AUTS2: variants seen among roughly 807,000 people sequenced by gnomAD.
The protein encoded by AUTS2 is activator of transcription and developmental regulator AUTS2.
A neutral mutation model predicts 112.4 loss-of-function variants in AUTS2; 17 were observed. That is an observed-to-expected ratio of 0.15 (90% CI 0.10 to 0.23). The LOEUF (loss-of-function observed/expected upper bound fraction) is 0.23, where lower values mean the gene tolerates loss of function less well. Ranked by LOEUF, AUTS2 falls within the 10% of genes least tolerant of loss-of-function variation. The pLI, the probability that AUTS2 is intolerant of heterozygous loss-of-function variation, is 1.00. For missense variants in AUTS2, 1,510 were observed against 1,701.6 expected (o/e 0.89, Z 1.98); for synonymous variants, 751 against 702.7 (o/e 1.07, Z -1.09).
intron 4 of AUTS2, among the ~76,000 whole-genome samples, chr7:70,148,388 T>C (rs1807248950): frequency 6.6e-6 from 1 of 152,106 alleles, no homozygotes; most frequent in African/African-American, 2.4e-5. Flanking sequence ...AGACCAACAA[T>C]ACTCAAAACA....
At chr7:70,174,649 A>G (rs1351135161) in intron 4 of AUTS2, among the ~76,000 whole-genome samples, 1 of 152,214 alleles carries the variant, frequency 6.6e-6, no homozygotes, top group Non-Finnish European at 1.5e-5. Context: ...TGCTTATTTT[A>G]TCATTCCAAA....
At chr7:70,340,523 T>A (rs945791949) in intron 4 of AUTS2, among the ~76,000 whole-genome samples, 4 of 152,046 alleles carry the variant, frequency 2.6e-5, no homozygotes, top group Admixed American at 1.3e-4. Context: ...TTATAAGTAA[T>A]TAAGAATACA....
chr7:70,579,042 C>T (rs1461266330), intron 5 of AUTS2, among the ~76,000 whole-genome samples: 1 of 150,608 alleles, frequency 6.6e-6, no homozygotes, highest in Non-Finnish European at 1.5e-5. Flanking sequence ...GATCCTCCCA[C>T]CTCAGCCTCT....
chr7:70,192,194 G>T (rs996827766), intron 4 of AUTS2, among the ~76,000 whole-genome samples: 2 of 152,110 alleles, frequency 1.3e-5, no homozygotes, highest in African/African-American at 4.8e-5. Flanking sequence ...CCCTATCACA[G>T]AATTTATAGT....
At chr7:69,614,112 G>A (rs1208141149) in intron 1 of AUTS2, among the ~76,000 whole-genome samples, 1 of 152,020 alleles carries the variant, frequency 6.6e-6, no homozygotes, top group East Asian at 1.9e-4. Context: ...ATTTCCCCTC[G>A]GCTAAGATGG....
At chr7:69,604,864 G>A (rs1406662954) in intron 1 of AUTS2, among the ~76,000 whole-genome samples, 3 of 152,208 alleles carry the variant, frequency 2.0e-5, no homozygotes, top group Admixed American at 6.5e-5. Flanking sequence ...GTTTAAACTA[G>A]TTTAGAGTAA....
chr7:69,881,555 A>C (rs1479937187), intron 1 of AUTS2, among the ~76,000 whole-genome samples: 1 of 152,152 alleles, frequency 6.6e-6, no homozygotes, highest in Non-Finnish European at 1.5e-5. Flanking sequence ...TCAGTGGTAA[A>C]TGCTTTTTCA....
chr7:70,728,797 G>A (rs942904202), intron 6 of AUTS2, among the ~76,000 whole-genome samples: 1 of 151,744 alleles, frequency 6.6e-6, no homozygotes, highest in African/African-American at 2.4e-5. Flanking sequence ...GATTCTACCA[G>A]TGAGAGAGAA....
chr7:70,013,549 G>T (rs1269839464), intron 2 of AUTS2, among the ~76,000 whole-genome samples: 1 of 152,152 alleles, frequency 6.6e-6, no homozygotes, highest in African/African-American at 2.4e-5. Flanking sequence ...CCCAGTTATG[G>T]TCCTTGGAAG....
intron 5 of AUTS2, among the ~76,000 whole-genome samples, chr7:70,671,317 GA>G (rs965486720): frequency 1.3e-5 from 2 of 152,230 alleles, no homozygotes; most frequent in Admixed American, 6.5e-5. Context: ...TTCATAAAAT[GA>G]CTTAGATTTG....
intron 2 of AUTS2, among the ~76,000 whole-genome samples, chr7:69,989,045 A>G (rs945332935): frequency 6.6e-6 from 1 of 152,230 alleles, no homozygotes; most frequent in African/African-American, 2.4e-5. Flanking sequence ...CTTTGCTGGT[A>G]TGTGGGTTAA....
intron 1 of AUTS2, among the ~76,000 whole-genome samples, chr7:69,618,900 A>T (rs907755208): frequency 6.6e-6 from 1 of 152,096 alleles, no homozygotes; most frequent in African/African-American, 2.4e-5. Context: ...TACCCTGGGG[A>T]TACCCTGGGG....
intron 4 of AUTS2, among the ~76,000 whole-genome samples, chr7:70,383,049 C>T (rs1045298730): frequency 6.6e-6 from 1 of 152,144 alleles, no homozygotes; most frequent in African/African-American, 2.4e-5. Flanking sequence ...TTGATATATT[C>T]TGATGCTCTT....
intron 6 of AUTS2, among the ~76,000 whole-genome samples, chr7:70,718,357 T>A (rs1001972880): frequency 1.3e-5 from 2 of 152,158 alleles, no homozygotes; most frequent in African/African-American, 4.8e-5. Flanking sequence ...AAGAGTATCC[T>A]TAGCTTTAAA....
chr7:70,098,641 G>A (rs555874597), intron 2 of AUTS2, among the ~76,000 whole-genome samples: 2 of 151,718 alleles, frequency 1.3e-5, no homozygotes, highest in East Asian at 3.9e-4. Context: ...TGTTGATGTT[G>A]TAGACCATGT....
At chr7:70,187,257 A>G (rs944018971) in intron 4 of AUTS2, among the ~76,000 whole-genome samples, 3 of 152,332 alleles carry the variant, frequency 2.0e-5, no homozygotes, top group African/African-American at 7.2e-5. Flanking sequence ...TGTTGTAAGA[A>G]TATTTATGGT....
chr7:69,829,183 A>C (rs775462389), intron 1 of AUTS2, among the ~76,000 whole-genome samples: 2 of 152,228 alleles, frequency 1.3e-5, no homozygotes, highest in African/African-American at 2.4e-5. Context: ...AAAACTGGCT[A>C]GCCATAGGCA....
chr7:70,417,535 G>T (rs145137199), intron 4 of AUTS2, among the ~76,000 whole-genome samples: 7 of 152,154 alleles, frequency 4.6e-5, no homozygotes, highest in East Asian at 3.9e-4. Flanking sequence ...TGCAATGTGC[G>T]CTGTGAAACC....
At chr7:70,718,701 A>G (rs1207316477) in intron 6 of AUTS2, among the ~76,000 whole-genome samples, 1 of 152,140 alleles carries the variant, frequency 6.6e-6, no homozygotes, top group Non-Finnish European at 1.5e-5. Context: ...ACCCAATAAC[A>G]CAGAAATGCA....
Sources: gnomAD v4.1 joint callset for allele counts (sites outside exome capture counted in the v4.1 genomes callset) on GRCh38, gnomAD v4.1.1 for gene constraint, MANE v1.5 for transcripts, NCBI Gene and HGNC (gene_info 2026-07-23, HGNC 2026-07-21) for gene names.